LMO1: variants seen among roughly 807,000 people sequenced by gnomAD.
The protein encoded by LMO1 is rhombotin-1.
Under a neutral mutation model 18.0 loss-of-function variants are expected in LMO1, and 10 were observed. That is an observed-to-expected ratio of 0.55 (90% CI 0.34 to 0.94). The LOEUF (loss-of-function observed/expected upper bound fraction) is 0.94, where lower values mean the gene tolerates loss of function less well. Among genes scored for constraint, LMO1 ranks in the 40% least tolerant of loss-of-function variants. The pLI is 0.02. For missense variants in LMO1, 183 were observed against 205.7 expected, an observed-to-expected ratio of 0.89 and a Z score of 0.68; for synonymous variants, 77 against 77.9, an observed-to-expected ratio of 0.99 and a Z score of 0.06.
In LMO1 at chr11:8,230,519, A is replaced by T. The variant is rs371461193; in HGVS notation, c.26-15T>A. On this transcript the variant is annotated splice_polypyrimidine_tract_variant and intron_variant, in intron 1 of 3. Coordinates refer to ENST00000335790, the MANE Select transcript of LMO1 (RefSeq NM_002315.3). The stretch of plus-strand genomic sequence containing the variant: ...CATCGGCACGCCTGCAGACGGACAG[A>T]CAGACAGCAACGCAGGATGGGCCCC... 13 of 1,607,886 alleles carry T rather than the reference A, an allele frequency of 8.1e-6. No individual in the cohort carries two copies. Among genetic ancestry groups the T allele is most frequent in the South Asian group, 6.6e-5 (6 of 91,054 alleles).
chr11:8,232,781 C>T (rs988831452), intron 1 of LMO1, among the ~76,000 whole-genome samples: 1 of 152,164 alleles, frequency 6.6e-6, no homozygotes, highest in African/African-American at 2.4e-5. Flanking sequence ...TCAGGGGAGA[C>T]CCTAGCCCAC....
At chr11:8,232,034 T>C (rs1952671464) in intron 1 of LMO1, among the ~76,000 whole-genome samples, 1 of 152,150 alleles carries the variant, frequency 6.6e-6, no homozygotes, top group African/African-American at 2.4e-5. Context: ...ACCGTCAAGC[T>C]GGCCCCAGGG....
At chr11:8,258,397 C>T (rs1847133026) in intron 1 of LMO1, among the ~76,000 whole-genome samples, 1 of 152,196 alleles carries the variant, frequency 6.6e-6, no homozygotes, top group Non-Finnish European at 1.5e-5. Context: ...TCCCTAGCTG[C>T]ACCATCACGG....
chr11:8,232,380 A>G (rs1565177484), intron 1 of LMO1, among the ~76,000 whole-genome samples: 1 of 152,186 alleles, frequency 6.6e-6, no homozygotes, highest in Non-Finnish European at 1.5e-5. Flanking sequence ...TGGGGAGCAG[A>G]TACCCCTGAG....
At chr11:8,233,999 A>G (rs1020840878) in intron 1 of LMO1, among the ~76,000 whole-genome samples, 2 of 152,174 alleles carry the variant, frequency 1.3e-5, no homozygotes, top group African/African-American at 4.8e-5. Context: ...ATATTTCACA[A>G]TGGATGATGT....
intron 1 of LMO1, among the ~76,000 whole-genome samples, chr11:8,245,394 C>A (rs2134558177): frequency 6.6e-6 from 1 of 152,252 alleles, no homozygotes. Flanking sequence ...GCTTCCTCAT[C>A]AGCAAAACTA....
intron 1 of LMO1, among the ~76,000 whole-genome samples, chr11:8,240,741 A>G (rs1846772156): frequency 6.6e-6 from 1 of 152,106 alleles, no homozygotes; most frequent in Non-Finnish European, 1.5e-5. Context: ...AAACGGCCCC[A>G]TCTCCTAACA....
intron 3 of LMO1, among the ~76,000 whole-genome samples, chr11:8,226,354 A>T (rs1216062059): frequency 6.6e-6 from 1 of 151,986 alleles, no homozygotes; most frequent in Non-Finnish European, 1.5e-5. Context: ...AATAAAAATA[A>T]AAATAAAAAT....
At chr11:8,262,252 C>T (rs541526736) in intron 1 of LMO1, among the ~76,000 whole-genome samples, 1 of 152,246 alleles carries the variant, frequency 6.6e-6, no homozygotes, top group East Asian at 1.9e-4. Flanking sequence ...CCTACCCTTT[C>T]GGTACCTCAC....
At chr11:8,248,763 G>A (rs1846938384) in intron 1 of LMO1, among the ~76,000 whole-genome samples, 1 of 152,224 alleles carries the variant, frequency 6.6e-6, no homozygotes, top group Admixed American at 6.5e-5. Context: ...GATCAGAGGA[G>A]GTCAGAGGAG....
chr11:8,259,768 G>T (rs552999619), intron 1 of LMO1, among the ~76,000 whole-genome samples: 1 of 152,334 alleles, frequency 6.6e-6, no homozygotes, highest in Admixed American at 6.5e-5. Context: ...CCCAGCAAGG[G>T]CTGGTTGGTA....
chr11:8,237,182 G>A (rs932846287), intron 1 of LMO1, among the ~76,000 whole-genome samples: 3 of 151,990 alleles, frequency 2.0e-5, no homozygotes. Context: ...TCTGGGTCTC[G>A]GGGGTCTGGG....
chr11:8,236,996 A>G (rs1317104339), intron 1 of LMO1, among the ~76,000 whole-genome samples: 1 of 152,242 alleles, frequency 6.6e-6, no homozygotes, highest in Non-Finnish European at 1.5e-5. Flanking sequence ...GCTTAGAATC[A>G]AGCTCTGATT....
At chr11:8,226,573 T>C (rs1337975650) in intron 3 of LMO1, among the ~76,000 whole-genome samples, 1 of 152,184 alleles carries the variant, frequency 6.6e-6, no homozygotes, top group Non-Finnish European at 1.5e-5. Context: ...GCATGCACGT[T>C]GCACATACAC....
chr11:8,232,491 C>T (rs1165984397), intron 1 of LMO1, among the ~76,000 whole-genome samples: 1 of 152,164 alleles, frequency 6.6e-6, no homozygotes, highest in African/African-American at 2.4e-5. Context: ...AAATGAGGGG[C>T]CTCCCAGAGT....
At chr11:8,266,268 G>T (rs1043077522), upstream of LMO1, among the ~76,000 whole-genome samples, 3 of 152,184 alleles carry the variant, frequency 2.0e-5, no homozygotes, top group Admixed American at 2.0e-4. Flanking sequence ...GAAGGGGCTT[G>T]CTGGGTTGAC....
chr11:8,243,005 C>T (rs1033159413), intron 1 of LMO1, among the ~76,000 whole-genome samples: 2 of 152,226 alleles, frequency 1.3e-5, no homozygotes, highest in African/African-American at 4.8e-5. Context: ...CTGCTTCCTT[C>T]TTGAAGCCGC....
upstream of LMO1, among the ~76,000 whole-genome samples, chr11:8,267,854 C>T (rs1847276908): frequency 6.6e-6 from 1 of 152,244 alleles, no homozygotes; most frequent in African/African-American, 2.4e-5. Context: ...CAGTTCCCTC[C>T]CTAGCCCTGC....
At chr11:8,242,670 C>A (rs891728548) in intron 1 of LMO1, among the ~76,000 whole-genome samples, 3 of 152,174 alleles carry the variant, frequency 2.0e-5, no homozygotes, top group African/African-American at 7.2e-5. Flanking sequence ...GTTCCCCTGA[C>A]GGCAACTCAG....
Sources: allele counts gnomAD v4.1 joint callset (sites outside exome capture counted in the v4.1 genomes callset), GRCh38; gene constraint gnomAD v4.1.1; transcripts MANE v1.5; gene names NCBI Gene and HGNC (gene_info 2026-07-23, HGNC 2026-07-21).